FSIP2: variants seen among roughly 807,000 people sequenced by gnomAD.
FSIP2 encodes fibrous sheath interacting protein 2, also known as fibrous sheath-interacting protein 2.
In FSIP2, 367 loss-of-function variants were observed where a neutral mutation model predicts 510.5. The observed-to-expected ratio is 0.72, with a 90% CI of 0.66 to 0.78. FSIP2 has a LOEUF of 0.78. Ranked by LOEUF, FSIP2 falls within the 30% of genes least tolerant of loss-of-function variation. The probability of loss-of-function intolerance (pLI) is 0.00; values close to 1 mark genes in which losing one functional copy is unlikely to be tolerated. For missense variants in FSIP2, 7,594 were observed against 7,901.7 expected (o/e 0.96, Z 1.48); for synonymous variants, 2,601 against 2,732.2 (o/e 0.95, Z 1.50).
intron 19 of FSIP2, 99 bp from the exon 20 acceptor site, chr2:185,824,335 G>T (rs868749496): frequency 2.6e-6 from 2 of 779,904 alleles, no homozygotes; most frequent in East Asian, 5.1e-5. Context: ...ACTATTTCAG[G>T]TTTCTTTCCA....
At chr2:185,766,546 A>T (rs1176175521) in intron 13 of FSIP2, 2 of 148,108 alleles carry the variant, frequency 1.4e-5, no homozygotes, top group African/African-American at 4.9e-5. Flanking sequence ...ACATTTATGC[A>T]GCCAAAAAAC....
At chr2:185,776,449 C>T (rs114084568) in intron 13 of FSIP2, among the ~76,000 whole-genome samples, 2,046 of 151,846 alleles carry the variant, frequency 0.013, 28 homozygotes, top group Non-Finnish European at 0.019. Flanking sequence ...GTAATGGTTA[C>T]CTGGGTGTAT....
chr2:185,827,126 AAAG>A (rs1694026668), intron 20 of FSIP2, among the ~76,000 whole-genome samples: 1 of 151,896 alleles, frequency 6.6e-6, no homozygotes, highest in East Asian at 1.9e-4. Flanking sequence ...CATTTAAAAT[AAAG>A]TATGTCAAAT....
Position 185,788,445 on chromosome 2 carries a change from A to T in FSIP2, c.1507-198A>T, listed in dbSNP as rs762356873. On this transcript the variant is annotated intron_variant, in intron 15 of 22. Coordinates refer to ENST00000424728, the MANE Select transcript of FSIP2 (RefSeq NM_173651.4). ...CTTACACAAAAAAACACTTCACTGT[A>T]GTGCAGAATAAACTAACTAGAAATT... Among the ~76,000 whole-genome samples, 12 of 151,862 alleles carry T rather than the reference A, an allele frequency of 7.9e-5. No individual in the cohort carries two copies. In the East Asian group the frequency reaches 2.3e-3, roughly 29 times the overall value.
At position 185,833,263 on chromosome 2, in the gene FSIP2, T is replaced by C. The variant is rs745506576; in HGVS notation, c.*37T>C. On this transcript the variant is annotated 3_prime_UTR_variant, in exon 23 of 23. Transcript: ENST00000424728. ...CTGATATAAGTATGCTTACTTCTTT[T>C]AGAAAATAAAATGGTTTTTAAAGCA... 6.5e-7 allele frequency: 1 copy of C among 1,546,604 alleles called. No individual in the cohort carries two copies. The highest frequency in any genetic ancestry group is 2.0e-5 in the Admixed American group (1 of 49,414).
At position 185,808,298 on chromosome 2, in the gene FSIP2, C is replaced by G. The variant is rs1254064773; in HGVS notation, c.18992C>G (p.Ser6331Cys). Reference sequence around the variant, plus strand: ...ATCAAAATTATTGATGAACTTAAGTCTAAGGAAAAGTCTTCATCCAGAAAA... The same window carrying G: ...ATCAAAATTATTGATGAACTTAAGTGTAAGGAAAAGTCTTCATCCAGAAAA... ...KVIKIIDELK[S>C]KEKSSSRKGL... Residue 6331 changes from serine (S) to cysteine (C), a missense_variant, in exon 17 of 23, where the codon TCT (serine) becomes TGT (cysteine). Transcript: ENST00000424728. 5 of 1,606,422 alleles carry G rather than the reference C, an allele frequency of 3.1e-6. No individual in the cohort carries two copies. The Admixed American group carries it at 8.6e-5, about 27-fold the overall frequency.
intron 20 of FSIP2, among the ~76,000 whole-genome samples, chr2:185,825,796 G>C (rs558308880): frequency 6.6e-6 from 1 of 151,862 alleles, no homozygotes; most frequent in East Asian, 2.0e-4. Context: ...GACTGACAAA[G>C]TTTTTGCTCT....
At chr2:185,786,705 T>C (rs1235109736) in intron 15 of FSIP2, among the ~76,000 whole-genome samples, 6 of 151,858 alleles carry the variant, frequency 4.0e-5, no homozygotes. Context: ...AAAAGGGACC[T>C]GGTCACCTAT....
At chr2:185,748,686 A>G (rs1451555274) in intron 7 of FSIP2, among the ~76,000 whole-genome samples, 1 of 152,080 alleles carries the variant, frequency 6.6e-6, no homozygotes, top group Admixed American at 6.6e-5. Flanking sequence ...AGTGAAGACT[A>G]ATGCAACTGA....
chr2:185,773,313 T>A (rs1422899735), intron 13 of FSIP2, among the ~76,000 whole-genome samples: 1 of 152,210 alleles, frequency 6.6e-6, no homozygotes, highest in Non-Finnish European at 1.5e-5. Flanking sequence ...AAACTTTGAA[T>A]ATTTTATGTC....
At position 185,795,963 on chromosome 2, in the gene FSIP2, G is replaced by A; in HGVS notation, c.8827G>A (p.Glu2943Lys). ...LSQIPTPDSE[E>K]TLSNSKEHIT... Reference sequence around the variant, plus strand: ...CCAAATTCCCACTCCAGATAGTGAAGAAACTCTATCAAACAGTAAAGAACA... The same window carrying A: ...CCAAATTCCCACTCCAGATAGTGAAAAAACTCTATCAAACAGTAAAGAACA... The change falls in exon 16 of 23, where the codon GAA becomes AAA. Residue 2943 changes from glutamate to lysine, a missense_variant. Coordinates refer to ENST00000424728, the MANE Select transcript of FSIP2 (RefSeq NM_173651.4). The A allele has an allele frequency of 6.5e-7, 1 of 1,534,684 alleles. No homozygotes were observed. Among genetic ancestry groups the A allele is most frequent in the Non-Finnish European group, 8.7e-7 (1 of 1,145,976 alleles).
At chr2:185,740,367 C>T (rs1691900079) in intron 2 of FSIP2, 1 of 152,176 alleles carries the variant, frequency 6.6e-6, no homozygotes, top group South Asian at 2.1e-4. Context: ...TAGTCCTTAA[C>T]ACCACACCTA....
At chr2:185,743,086 A>C (rs967097315) in intron 2 of FSIP2, 47 bp from the exon 3 acceptor site, 4 of 1,192,830 alleles carry the variant, frequency 3.4e-6, no homozygotes, top group African/African-American at 1.6e-5. Flanking sequence ...AGATTATTTA[A>C]AGTGAAAATG....
At chr2:185,782,091 C>T (rs1692863692) in intron 13 of FSIP2, among the ~76,000 whole-genome samples, 3 of 152,168 alleles carry the variant, frequency 2.0e-5, no homozygotes, top group Admixed American at 2.0e-4. Flanking sequence ...CCTCCTGGGC[C>T]CCCCAAAGTG....
Position 185,804,871 on chromosome 2 carries a change from A to G in FSIP2, c.15565A>G (p.Asn5189Asp), listed in dbSNP as rs1693526336. The G allele has an allele frequency of 7.9e-6, 12 of 1,523,342 alleles. No homozygotes were observed. In the East Asian group the frequency reaches 2.9e-4, roughly 37 times the overall value. 94.4% of individuals were successfully genotyped at this position (1,523,342 alleles called of 1,614,324 possible). ...AESMQLEPIE[N>D]LVDSICNNIL... ...AAGTATGCAGTTAGAACCTATTGAA[A>G]ATTTGGTCGACTCCATATGTAATAA... The change falls in exon 17 of 23, where the codon AAT (asparagine) becomes GAT (aspartate). Residue 5189 changes from asparagine to aspartate, a missense_variant. Asn to Asp is a conservative substitution (Grantham distance 23). Coordinates refer to ENST00000424728, the MANE Select transcript of FSIP2 (RefSeq NM_173651.4).
chr2:185,745,612 C>G, intron 5 of FSIP2, 44 bp downstream of exon 5: 2 of 1,471,634 alleles, frequency 1.4e-6, no homozygotes, highest in Non-Finnish European at 1.8e-6. Flanking sequence ...TGTTGTGGAC[C>G]CAAATAAGCT....
intron 22 of FSIP2, among the ~76,000 whole-genome samples, chr2:185,832,776 A>T: frequency 6.6e-6 from 1 of 151,874 alleles, no homozygotes; most frequent in Admixed American, 6.6e-5. Flanking sequence ...AATTTATACT[A>T]TTTTTTAATG....
Position 185,797,506 on chromosome 2 carries a change from T to C in FSIP2, c.10370T>C (p.Leu3457Ser). The C allele has an allele frequency of 6.7e-7, 1 of 1,498,490 alleles. No individual in the cohort carries two copies. The allele number at this position is 1,498,490 out of a possible 1,614,324, so 92.8% of individuals were successfully genotyped here. A position where few individuals can be genotyped will look rare whatever the true frequency, so the allele number is the denominator to read the frequency against. The change falls in exon 16 of 23, where the codon TTG becomes TCG. Residue 3457 changes from leucine (L) to serine (S), a missense_variant. Leu to Ser is a moderately radical substitution (Grantham distance 145). Transcript: ENST00000424728. ...RHVTTSVVTYLKNFETTVFSE... is the reference protein window; with the variant it reads ...RHVTTSVVTYSKNFETTVFSE... ...GTCACCACATCTGTGGTCACATATT[T>C]GAAGAACTTTGAAACTACAGGTAAG...
At chr2:185,777,338 T>TATC (rs970294708) in intron 13 of FSIP2, among the ~76,000 whole-genome samples, 11 of 151,912 alleles carry the variant, frequency 7.2e-5, no homozygotes, top group African/African-American at 2.7e-4. Flanking sequence ...AATCAAATTA[T>TATC]ATCTTCTGCG....
Sources: gnomAD v4.1 joint callset for allele counts (sites outside exome capture counted in the v4.1 genomes callset) on GRCh38, gnomAD v4.1.1 for gene constraint, MANE v1.5 for transcripts, NCBI Gene and HGNC (gene_info 2026-07-23, HGNC 2026-07-21) for gene names.